Variants in SV2C observed in about 807,000 individuals in gnomAD.
The protein encoded by SV2C is synaptic vesicle glycoprotein 2C.
In SV2C, 49 loss-of-function variants were observed where a neutral mutation model predicts 79.7. The observed-to-expected ratio is 0.61, with a 90% confidence interval of 0.49 to 0.78. The LOEUF is 0.78. SV2C is among the 30% of genes least tolerant of loss of function. The probability of loss-of-function intolerance (pLI) is 0.00; values close to 1 mark genes in which losing one functional copy is unlikely to be tolerated. For missense variants in SV2C, 833 were observed against 912.9 expected, an observed-to-expected ratio of 0.91 and a Z score of 1.13; for synonymous variants, 334 against 333.2, an observed-to-expected ratio of 1.00 and a Z score of -0.03.
At chr5:76,258,062 TTATG>T (rs1377148724) in intron 4 of SV2C, among the ~76,000 whole-genome samples, 6 of 144,956 alleles carry the variant, frequency 4.1e-5, no homozygotes, top group African/African-American at 1.5e-4. Context: ...ATATATGTGT[TTATG>T]TAGTATGGGG....
At chr5:75,992,768 T>C in the SV2C span, among the ~76,000 whole-genome samples, 1 of 151,980 alleles carries the variant, frequency 6.6e-6, no homozygotes, top group Non-Finnish European at 1.5e-5. Flanking sequence ...GAAGTGATAA[T>C]GCTGAAAGTG....
chr5:76,099,002 C>G (rs1747652764), intron 1 of SV2C, among the ~76,000 whole-genome samples: 1 of 152,162 alleles, frequency 6.6e-6, no homozygotes, highest in Non-Finnish European at 1.5e-5. Context: ...AAGTTATTTG[C>G]TCCCAGCTTT....
In SV2C at chr5:76,153,436, T is replaced by C. The variant is rs114161835; in HGVS notation, c.580+21106T>C. On this transcript the variant is annotated intron_variant, in intron 2 of 12. Transcript: ENST00000502798. ...GGACTTCCCAAGAGTTGGCCCTTGG[T>C]GCTTGGTTGTCTGTGTTTTGTGACT... Among the ~76,000 whole-genome samples, 901 of 152,288 alleles carry C rather than the reference T, an allele frequency of 5.9e-3. 9 individuals are homozygous for C. Among genetic ancestry groups the C allele is most frequent in the African/African-American group, 0.021 (865 of 41,568 alleles).
chr5:76,003,277 C>T, the SV2C span, among the ~76,000 whole-genome samples: 239 of 152,102 alleles, frequency 1.6e-3, no homozygotes, highest in Admixed American at 2.7e-3. Context: ...ACCATGAGAA[C>T]GGACTAACAC....
chr5:76,348,764 G>A (rs1749590086), intron 12 of SV2C, among the ~76,000 whole-genome samples: 1 of 152,196 alleles, frequency 6.6e-6, no homozygotes, highest in Non-Finnish European at 1.5e-5. Context: ...ACTTTGGGAG[G>A]CCGAGGCAGG....
intron 1 of SV2C, among the ~76,000 whole-genome samples, chr5:76,088,618 T>C (rs867961305): frequency 1.3e-5 from 2 of 152,178 alleles, no homozygotes; most frequent in African/African-American, 4.8e-5. Flanking sequence ...ACTATCACAC[T>C]GGGGAGTAAG....
chr5:75,966,361 A>G, the SV2C span, among the ~76,000 whole-genome samples: 1 of 152,224 alleles, frequency 6.6e-6, no homozygotes, highest in Admixed American at 6.5e-5. Flanking sequence ...GAAAACTACC[A>G]GACCCCAAAT....
chr5:76,206,236 C>A (rs550478693), intron 3 of SV2C, among the ~76,000 whole-genome samples: 95 of 152,244 alleles, frequency 6.2e-4, no homozygotes, highest in African/African-American at 2.3e-3. Context: ...TGTTGTAAGA[C>A]CTGAAAGCCC....
chr5:75,989,574 A>C, the SV2C span, among the ~76,000 whole-genome samples: 9 of 151,956 alleles, frequency 5.9e-5, no homozygotes, highest in Admixed American at 5.9e-4. Context: ...TGCTATTGTG[A>C]ATAGTGCTGC....
intron 2 of SV2C, among the ~76,000 whole-genome samples, chr5:76,162,861 G>T (rs545091411): frequency 6.6e-6 from 1 of 152,142 alleles, no homozygotes; most frequent in Admixed American, 6.5e-5. Context: ...ATTTTGTAAG[G>T]TAATAAAGTT....
chr5:76,051,896 T>C, the SV2C span, among the ~76,000 whole-genome samples: 3 of 152,336 alleles, frequency 2.0e-5, no homozygotes, highest in African/African-American at 7.2e-5. Flanking sequence ...AAAAGTAAAC[T>C]TGTGAGGAAA....
chr5:76,303,247 A>T, intron 12 of SV2C, among the ~76,000 whole-genome samples: 1 of 152,212 alleles, frequency 6.6e-6, no homozygotes, highest in Non-Finnish European at 1.5e-5. Context: ...ACAAATGTTA[A>T]TTCTCTGTCT....
At chr5:76,342,505 C>T (rs763892586) in intron 12 of SV2C, among the ~76,000 whole-genome samples, 1 of 152,220 alleles carries the variant, frequency 6.6e-6, no homozygotes, top group Non-Finnish European at 1.5e-5. Flanking sequence ...TCTATACACA[C>T]AGGAAGGTAC....
chr5:75,967,386 G>A, the SV2C span, among the ~76,000 whole-genome samples: 4 of 152,300 alleles, frequency 2.6e-5, no homozygotes, highest in East Asian at 3.9e-4. Context: ...CACCTCACCC[G>A]GGAAGCGCAA....
chr5:76,346,563 C>T (rs246806), intron 12 of SV2C, among the ~76,000 whole-genome samples: 79,484 of 152,104 alleles, frequency 0.52, 22,933 homozygotes, highest in African/African-American at 0.77. Context: ...GCACCTGCTA[C>T]GTGGCAGTCG....
At chr5:76,242,185 T>C in intron 4 of SV2C, 11 of 1,058,368 alleles carry the variant, frequency 1.0e-5, no homozygotes, top group Non-Finnish European at 1.3e-5. Flanking sequence ...GCGTGGGCTC[T>C]GGCTTTGGAG....
the SV2C span, among the ~76,000 whole-genome samples, chr5:75,969,868 A>G: frequency 6.6e-6 from 1 of 152,158 alleles, no homozygotes; most frequent in African/African-American, 2.4e-5. Flanking sequence ...AACAGAATAT[A>G]CATTCTTCTC....
intron 4 of SV2C, among the ~76,000 whole-genome samples, chr5:76,213,744 A>G (rs1479098886): frequency 6.6e-6 from 1 of 152,154 alleles, no homozygotes; most frequent in Non-Finnish European, 1.5e-5. Context: ...GAGAACACTT[A>G]CTCTCAGCAA....
intron 3 of SV2C, among the ~76,000 whole-genome samples, chr5:76,199,176 T>G (rs950501655): frequency 2.0e-5 from 3 of 152,310 alleles, no homozygotes; most frequent in Middle Eastern, 6.8e-3. Flanking sequence ...TATTAAAACT[T>G]AAGCCAGAGA....
Sources: allele counts gnomAD v4.1 joint callset (sites outside exome capture counted in the v4.1 genomes callset), GRCh38; gene constraint gnomAD v4.1.1; transcripts MANE v1.5; gene names NCBI Gene and HGNC (gene_info 2026-07-23, HGNC 2026-07-21).